Variants in STX3 observed in about 807,000 individuals in gnomAD.
STX3 encodes the protein syntaxin 3.
STX3 carries 19 observed loss-of-function variants against 40.2 expected under a neutral mutation model. The ratio of observed to expected loss-of-function variants is 0.47; its 90% confidence interval spans 0.33 to 0.69. The LOEUF is 0.69. Among genes scored for constraint, STX3 ranks in the 30% least tolerant of loss-of-function variants. The pLI is 0.02. For missense variants in STX3, 364 were observed against 366.7 expected, an observed-to-expected ratio of 0.99 and a Z score of 0.06; for synonymous variants, 122 against 132.2, an observed-to-expected ratio of 0.92 and a Z score of 0.53.
chr11:59,786,686 T>G (rs1368259758), intron 2 of STX3, among the ~76,000 whole-genome samples: 2 of 152,158 alleles, frequency 1.3e-5, no homozygotes, highest in Admixed American at 6.6e-5. Flanking sequence ...TCTCACTTTT[T>G]GGGCTTTAAG....
At position 59,792,157 on chromosome 11, in the gene STX3, A is replaced by G; in HGVS notation, c.408A>G (p.Glu136=). The part of the protein sequence containing the change: ...KFVEVMTKYN[E]AQVDFRERSK... ...TGGAGGTGATGACCAAATACAATGAAGCTCAAGTGGACTTCCGAGAACGCA... is the reference window on the plus strand; with the variant it reads ...TGGAGGTGATGACCAAATACAATGAGGCTCAAGTGGACTTCCGAGAACGCA... Residue 136 remains glutamate (E), a synonymous_variant, in exon 6 of 11, where the codon GAA becomes GAG. Coordinates refer to ENST00000337979, the MANE Select transcript of STX3 (RefSeq NM_004177.5). 2 of 1,614,142 alleles carry G rather than the reference A, an allele frequency of 1.2e-6. No individual in the cohort carries two copies. Among genetic ancestry groups the G allele is most frequent in the Non-Finnish European group, 1.7e-6 (2 of 1,180,034 alleles).
chr11:59,770,952 T>C (rs1863587947), intron 1 of STX3, among the ~76,000 whole-genome samples: 1 of 152,066 alleles, frequency 6.6e-6, no homozygotes, highest in Admixed American at 6.5e-5. Context: ...GGGAATTTCA[T>C]GGACATCTCT....
At chr11:59,785,095 CTT>C (rs2134984680) in intron 2 of STX3, among the ~76,000 whole-genome samples, 1 of 152,194 alleles carries the variant, frequency 6.6e-6, no homozygotes, top group South Asian at 2.1e-4. Flanking sequence ...TTTGTAAACT[CTT>C]AAAATGCTTC....
intron 10 of STX3, chr11:59,799,905 A>G (rs1865774750): frequency 1.0e-6 from 1 of 985,280 alleles, no homozygotes; most frequent in Non-Finnish European, 1.2e-6. Flanking sequence ...GGCTCTGAAC[A>G]ATCTGATTGA....
Position 59,805,591 on chromosome 11 carries a change from G to A in STX3, c.*4767G>A, listed in dbSNP as rs761826539. 10 of 152,242 alleles carry A rather than the reference G, an allele frequency of 6.6e-5. No individual in the cohort carries two copies. The highest frequency in any genetic ancestry group is 1.0e-4 in the Non-Finnish European group (7 of 68,086). The allele number at this position is 152,242 out of a possible 1,614,324, so 9.4% of individuals were successfully genotyped here. ...ATTAATCTGGGCAAACGGAGCTGGA[G>A]CTATGAGGATCTGAGTCCTAGGGGG... On this transcript the variant is annotated 3_prime_UTR_variant, in exon 11 of 11. Coordinates refer to ENST00000337979, the MANE Select transcript of STX3 (RefSeq NM_004177.5).
chr11:59,754,552 T>C (rs1171904598), upstream of STX3: 1 of 152,406 alleles, frequency 6.6e-6, no homozygotes, highest in Non-Finnish European at 1.5e-5. Flanking sequence ...ACGATCTGCT[T>C]TTCGGAAGCA....
At chr11:59,789,458 T>A (rs991580433) in intron 4 of STX3, among the ~76,000 whole-genome samples, 9 of 151,670 alleles carry the variant, frequency 5.9e-5, no homozygotes, top group African/African-American at 1.9e-4. Context: ...TTTTTTTTTT[T>A]AAGACAGAAT....
chr11:59,774,883 A>G (rs1222940433), intron 2 of STX3, among the ~76,000 whole-genome samples: 1 of 152,242 alleles, frequency 6.6e-6, no homozygotes, highest in Non-Finnish European at 1.5e-5. Context: ...GTAACACAGC[A>G]TAGCATCTGG....
At chr11:59,778,168 C>T (rs1358907631) in intron 2 of STX3, among the ~76,000 whole-genome samples, 3 of 152,164 alleles carry the variant, frequency 2.0e-5, no homozygotes, top group Non-Finnish European at 4.4e-5. Flanking sequence ...CTGAAGCAGT[C>T]ACAAGCCTGC....
chr11:59,766,020 C>T (rs925651835), intron 1 of STX3, among the ~76,000 whole-genome samples: 2 of 152,166 alleles, frequency 1.3e-5, no homozygotes, highest in African/African-American at 4.8e-5. Flanking sequence ...CTTTAATGCC[C>T]CACTGTGGGA....
At chr11:59,756,947 C>A (rs1862745186) in intron 1 of STX3, among the ~76,000 whole-genome samples, 1 of 152,210 alleles carries the variant, frequency 6.6e-6, no homozygotes. Context: ...ATGAGACCTT[C>A]ATTCCTGTTT....
intron 2 of STX3, 134 bp downstream of exon 2, chr11:59,773,428 C>A (rs1344907194): frequency 2.5e-5 from 18 of 724,328 alleles, no homozygotes; most frequent in Non-Finnish European, 3.7e-5. Context: ...GATGGCCAGA[C>A]AAAGAAATTA....
intron 1 of STX3, among the ~76,000 whole-genome samples, chr11:59,759,139 A>C (rs1054781631): frequency 3.3e-5 from 5 of 152,202 alleles, no homozygotes; most frequent in Admixed American, 2.6e-4. Context: ...GAGATACATA[A>C]GTTACTTTAC....
chr11:59,771,836 G>A (rs1338601180), intron 1 of STX3, among the ~76,000 whole-genome samples: 1 of 152,154 alleles, frequency 6.6e-6, no homozygotes, highest in East Asian at 1.9e-4. Context: ...GATGTTACGT[G>A]GCAGAAGGAC....
intron 1 of STX3, among the ~76,000 whole-genome samples, chr11:59,765,187 G>T (rs1461524111): frequency 6.6e-6 from 1 of 152,108 alleles, no homozygotes; most frequent in Non-Finnish European, 1.5e-5. Context: ...AGTGAAAAGG[G>T]GAAGTGTGCC....
intron 2 of STX3, among the ~76,000 whole-genome samples, chr11:59,776,272 C>T (rs1449884410): frequency 6.6e-6 from 1 of 152,110 alleles, no homozygotes; most frequent in Non-Finnish European, 1.5e-5. Flanking sequence ...CTCTAAACCC[C>T]AGTTTTCTCT....
chr11:59,795,792 T>C (rs2135030399), intron 9 of STX3: 1 of 1,279,424 alleles, frequency 7.8e-7, no homozygotes, highest in Non-Finnish European at 1.1e-6. Context: ...CTACCTGTGT[T>C]CTTGAGCCCA....
At chr11:59,795,844 C>G in intron 9 of STX3, 2 of 758,620 alleles carry the variant, frequency 2.6e-6, no homozygotes, top group Non-Finnish European at 2.1e-6. Context: ...CCTCCCTCAG[C>G]TTTTCCTAGA....
chr11:59,788,951 A>G lies in STX3; in HGVS notation c.289+4A>G, dbSNP rs752855815. 8 of 1,606,722 alleles carry G rather than the reference A, an allele frequency of 5.0e-6. No individual in the cohort carries two copies. The highest frequency in any genetic ancestry group is 1.1e-5 in the South Asian group (1 of 89,770). On this transcript the variant is annotated splice_donor_region_variant and intron_variant, in intron 4 of 10. Transcript: ENST00000337979. ...AACGTCCGGAACAAACTGAAGAGTA[A>G]GAAGGGAACAAAGAAAACAAGGCCG...
Sources: gnomAD v4.1 joint callset for allele counts (sites outside exome capture counted in the v4.1 genomes callset) on GRCh38, gnomAD v4.1.1 for gene constraint, MANE v1.5 for transcripts, NCBI Gene and HGNC (gene_info 2026-07-23, HGNC 2026-07-21) for gene names.